SGCZ: variants seen among roughly 807,000 people sequenced by gnomAD.
The protein encoded by SGCZ is sarcoglycan zeta, also known as zeta-sarcoglycan.
A neutral mutation model predicts 41.3 loss-of-function variants in SGCZ; 40 were observed. That is an observed-to-expected ratio of 0.97 (90% CI 0.75 to 1.26). The LOEUF (loss-of-function observed/expected upper bound fraction) is 1.26, where lower values mean the gene tolerates loss of function less well. Ranked by LOEUF, SGCZ falls within the 50% of genes most tolerant of loss-of-function variation. The pLI is 0.00. For synonymous variants in SGCZ, 206 were observed against 137.5 expected (o/e 1.50, Z -3.49); for missense variants, 552 against 369.8 (o/e 1.49, Z -4.04).
intron 1 of SGCZ, among the ~76,000 whole-genome samples, chr8:15,101,402 C>A (rs1240128085): frequency 6.6e-6 from 1 of 151,942 alleles, no homozygotes; most frequent in Non-Finnish European, 1.5e-5. Context: ...AACAAGAAAA[C>A]AAACAACCTA....
chr8:15,208,860 A>G (rs1248218647), intron 1 of SGCZ, among the ~76,000 whole-genome samples: 40 of 147,800 alleles, frequency 2.7e-4, no homozygotes, highest in Non-Finnish European at 3.0e-5. Flanking sequence ...TAATTCCTAT[A>G]TATCCTAAAT....
chr8:14,153,595 C>A (rs968186797), intron 5 of SGCZ, among the ~76,000 whole-genome samples: 1 of 152,054 alleles, frequency 6.6e-6, no homozygotes, highest in African/African-American at 2.4e-5. Flanking sequence ...CCACAAAAGG[C>A]CTGTGTTTCA....
chr8:15,225,954 T>G (rs1801756997), intron 1 of SGCZ, among the ~76,000 whole-genome samples: 1 of 152,008 alleles, frequency 6.6e-6, no homozygotes, highest in Admixed American at 6.6e-5. Context: ...ACATCTACAT[T>G]GCCTTACTCT....
intron 1 of SGCZ, among the ~76,000 whole-genome samples, chr8:14,822,848 G>C (rs1481428978): frequency 7.2e-5 from 11 of 151,982 alleles, no homozygotes; most frequent in South Asian, 4.1e-4. Flanking sequence ...CTTCAGCGCA[G>C]CTCGTGACCA....
chr8:14,295,137 T>C (rs1374704037), intron 3 of SGCZ, among the ~76,000 whole-genome samples: 1 of 152,170 alleles, frequency 6.6e-6, no homozygotes, highest in Non-Finnish European at 1.5e-5. Flanking sequence ...TTTCTGTAAA[T>C]GTTTATAGCG....
chr8:15,097,868 A>G lies in SGCZ; in HGVS notation c.39+139717T>C, dbSNP rs1179662405. 3.6e-3 allele frequency among the ~76,000 whole-genome samples: 107 copies of G among 29,868 alleles called. 2 individuals carry two copies. Among genetic ancestry groups the G allele is most frequent in the African/African-American group, 0.011 (107 of 9,998 alleles). The allele number at this position is 29,868 out of a possible 152,430, so 19.6% of individuals were successfully genotyped here. On this transcript the variant is annotated intron_variant, in intron 1 of 7. Transcript: ENST00000382080. The stretch of plus-strand genomic sequence containing the variant: ...TATATATATATATACGTGTGTGTGT[A>G]TATATATATATATACGTGTGTATAT...
chr8:14,822,393 G>T lies in SGCZ; in HGVS notation c.40-267467C>A, dbSNP rs556284841. On this transcript the variant is annotated intron_variant, in intron 1 of 7. Transcript: ENST00000382080. ...TTCATGAACTGGAAGAATTAACATT[G>T]TTAAAATGATCATACCACCCAAAGT... Among the ~76,000 whole-genome samples the T allele has an allele frequency of 2.4e-3, 367 of 152,220 alleles. 1 individual carries two copies. Among genetic ancestry groups the T allele is most frequent in the African/African-American group, 8.4e-3 (351 of 41,542 alleles).
chr8:14,546,746 G>C (rs566417618), intron 2 of SGCZ, among the ~76,000 whole-genome samples: 4 of 152,014 alleles, frequency 2.6e-5, no homozygotes, highest in African/African-American at 9.7e-5. Context: ...ATGAAAGCAC[G>C]GAGTTATACC....
chr8:14,681,871 G>T (rs1246431912), intron 1 of SGCZ, among the ~76,000 whole-genome samples: 2 of 151,988 alleles, frequency 1.3e-5, no homozygotes, highest in Non-Finnish European at 2.9e-5. Flanking sequence ...TTAGGGAGAA[G>T]TAGTTTAAAT....
chr8:15,157,250 T>A (rs1585622613), intron 1 of SGCZ, among the ~76,000 whole-genome samples: 1 of 151,750 alleles, frequency 6.6e-6, no homozygotes, highest in South Asian at 2.1e-4. Flanking sequence ...AAGTAGCGCA[T>A]GGCTAGGCAG....
intron 1 of SGCZ, among the ~76,000 whole-genome samples, chr8:15,064,093 C>G (rs1805036320): frequency 6.6e-6 from 1 of 152,108 alleles, no homozygotes; most frequent in African/African-American, 2.4e-5. Flanking sequence ...GCAAATGTTT[C>G]TCACTTCAGA....
intron 1 of SGCZ, among the ~76,000 whole-genome samples, chr8:14,729,178 T>G (rs1810152434): frequency 6.6e-6 from 1 of 152,144 alleles, no homozygotes; most frequent in Non-Finnish European, 1.5e-5. Flanking sequence ...AGTCACACCT[T>G]TCTTCCAAGG....
At chr8:14,293,491 G>A (rs1231658923) in intron 3 of SGCZ, among the ~76,000 whole-genome samples, 1 of 151,918 alleles carries the variant, frequency 6.6e-6, no homozygotes. Flanking sequence ...TACACAGAAT[G>A]TCATTCAGTT....
At chr8:15,062,180 T>C (rs1490294350) in intron 1 of SGCZ, among the ~76,000 whole-genome samples, 1 of 152,162 alleles carries the variant, frequency 6.6e-6, no homozygotes, top group Non-Finnish European at 1.5e-5. Flanking sequence ...CTACTCTCAC[T>C]TTAAAAGCAT....
intron 5 of SGCZ, among the ~76,000 whole-genome samples, chr8:14,119,247 G>C (rs185681945): frequency 1.3e-5 from 2 of 152,152 alleles, no homozygotes; most frequent in East Asian, 3.9e-4. Flanking sequence ...TTGAGCAGTG[G>C]TGTGTAATTC....
intron 3 of SGCZ, among the ~76,000 whole-genome samples, chr8:14,251,478 C>A (rs1799283831): frequency 6.6e-6 from 1 of 152,052 alleles, no homozygotes; most frequent in Non-Finnish European, 1.5e-5. Context: ...CAAACAAGAA[C>A]TGAATGGGCA....
chr8:15,214,042 T>C (rs1014139268), intron 1 of SGCZ, among the ~76,000 whole-genome samples: 2 of 152,060 alleles, frequency 1.3e-5, no homozygotes, highest in Admixed American at 1.3e-4. Context: ...CATTAACTTA[T>C]AGAAGCTTTT....
intron 1 of SGCZ, among the ~76,000 whole-genome samples, chr8:15,050,312 G>A (rs1804466288): frequency 1.3e-5 from 2 of 152,150 alleles, no homozygotes; most frequent in South Asian, 4.1e-4. Flanking sequence ...ACATGAACTT[G>A]TAGTTCAGAG....
At chr8:14,578,376 T>C (rs1423908051) in intron 1 of SGCZ, among the ~76,000 whole-genome samples, 1 of 152,170 alleles carries the variant, frequency 6.6e-6, no homozygotes, top group Non-Finnish European at 1.5e-5. Context: ...GCCCAGAGCA[T>C]GGGCTCCTCT....
Sources: gnomAD v4.1 joint callset for allele counts (sites outside exome capture counted in the v4.1 genomes callset) on GRCh38, gnomAD v4.1.1 for gene constraint, MANE v1.5 for transcripts, NCBI Gene and HGNC (gene_info 2026-07-23, HGNC 2026-07-21) for gene names.